HMCN1: variants seen among roughly 807,000 people sequenced by gnomAD.
HMCN1 encodes hemicentin-1.
In HMCN1, 321 loss-of-function variants were observed where a neutral mutation model predicts 625.9. The observed-to-expected ratio is 0.51, with a 90% CI of 0.47 to 0.56. HMCN1 has a LOEUF of 0.56. HMCN1 is among the 20% of genes least tolerant of loss of function. HMCN1 has a pLI of 0.00. For missense variants in HMCN1, 6,588 were observed against 6,887.3 expected (o/e 0.96, Z 1.54); for synonymous variants, 2,425 against 2,417.6 (o/e 1.00, Z -0.09).
intron 29 of HMCN1, among the ~76,000 whole-genome samples, chr1:186,005,253 A>G (rs1207194490): frequency 5.8e-5 from 8 of 139,034 alleles, no homozygotes; most frequent in African/African-American, 2.2e-4. Flanking sequence ...ACGTTTATAA[A>G]CAAATTTTTA....
chr1:185,977,731 T>A, intron 15 of HMCN1, 56 bp from the exon 16 acceptor site: 2 of 1,050,548 alleles, frequency 1.9e-6, no homozygotes, highest in Non-Finnish European at 3.0e-6. Flanking sequence ...AAGTTTATGT[T>A]TAATATGCCT....
intron 10 of HMCN1, among the ~76,000 whole-genome samples, chr1:185,929,397 C>G (rs1667435505): frequency 6.6e-6 from 1 of 151,910 alleles, no homozygotes; most frequent in Non-Finnish European, 1.5e-5. Context: ...ATAATTTTTC[C>G]TCACATAATT....
At chr1:186,072,428 A>G (rs1339397463) in intron 52 of HMCN1, among the ~76,000 whole-genome samples, 1 of 152,200 alleles carries the variant, frequency 6.6e-6, no homozygotes, top group South Asian at 2.1e-4. Flanking sequence ...TTGAACATCT[A>G]CTATTTGTCA....
At chr1:186,038,773 G>A in intron 37 of HMCN1, 56 bp from the exon 38 acceptor site, 1 of 958,446 alleles carries the variant, frequency 1.0e-6, no homozygotes, top group East Asian at 2.4e-5. Flanking sequence ...ATCCAACTTA[G>A]TATATTTAAT....
chr1:186,170,196 CAATAAGATGCTGGAGAGGAGG>C (rs1178176153), intron 100 of HMCN1, among the ~76,000 whole-genome samples: 2 of 151,530 alleles, frequency 1.3e-5, no homozygotes, highest in Non-Finnish European at 3.0e-5. Context: ...GGTGGAGAAA[CAATAAGATGCTGGAGAGGAGG>C]TGGAGTGTTT....
Position 185,911,654 on chromosome 1 carries a change from C to G in HMCN1, c.794-20C>G, listed in dbSNP as rs1200674447. 7.2e-6 allele frequency: 11 copies of G among 1,526,396 alleles called. No individual in the cohort carries two copies. In the African/African-American group the frequency reaches 1.1e-4, roughly 15 times the overall value. The allele number at this position is 1,526,396 out of a possible 1,614,324, so 94.6% of individuals were successfully genotyped here. Reference sequence around the variant, plus strand: ...CTGAGAGAAGGATTGTGCTTGTTACCTTTATGTTCTGTCTTTCAGGGAAGC... The same window carrying G: ...CTGAGAGAAGGATTGTGCTTGTTACGTTTATGTTCTGTCTTTCAGGGAAGC... On this transcript the variant is annotated intron_variant, in intron 5 of 106. Coordinates refer to ENST00000271588, the MANE Select transcript of HMCN1 (RefSeq NM_031935.3).
intron 1 of HMCN1, among the ~76,000 whole-genome samples, chr1:185,781,458 C>A (rs1023631145): frequency 1.3e-5 from 2 of 152,192 alleles, no homozygotes; most frequent in African/African-American, 4.8e-5. Context: ...AATTTTAGAT[C>A]TTTCCTGCTT....
intron 2 of HMCN1, among the ~76,000 whole-genome samples, chr1:185,856,319 T>C (rs1662459839): frequency 6.6e-6 from 1 of 151,860 alleles, no homozygotes; most frequent in Non-Finnish European, 1.5e-5. Context: ...TGAAACGCTG[T>C]CTCTACTAAA....
chr1:186,171,448 T>G lies in HMCN1; in HGVS notation c.15686T>G (p.Met5229Arg). The part of the protein sequence containing the change: ...PGYQLKGRKC[M>R]DVNECRQNVC... ...TATCAGCTCAAAGGCAGAAAATGCA[T>G]GGGTAAGAAAAGGGCTTTGAATTTA... The change falls in exon 101 of 107, where the codon ATG (methionine) becomes AGG (arginine). Residue 5229 changes from methionine to arginine, a missense_variant and splice_region_variant. Physicochemically the swap from Met to Arg is moderately conservative, Grantham distance 91. Around this residue, in one of 3 missense-constraint regions of HMCN1, gnomAD observed 1,954 missense variants for 2,013.1 expected, o/e 0.97. Transcript: ENST00000271588. The G allele has an allele frequency of 6.2e-7, 1 of 1,607,246 alleles. No homozygotes were observed. Among genetic ancestry groups the G allele is most frequent in the African/African-American group, 1.3e-5 (1 of 74,870 alleles).
rs762581029 is a variant in HMCN1, at chr1:186,061,943, A to C, written c.7405A>C (p.Ile2469Leu). ...GAATGCAGCTGGTGAAGAAAGAAAA[A>C]TCTTTGGGCTTTCAGTATTAGGTAC... Reference protein sequence around the residue: ...VRNAAGEERKIFGLSVLVPPH... With the variant: ...VRNAAGEERKLFGLSVLVPPH... Residue 2469 changes from isoleucine to leucine, a missense_variant, in exon 47 of 107, where the codon ATC becomes CTC. Physicochemically the swap from Ile to Leu is conservative, Grantham distance 5. This residue lies in a region of HMCN1 where 4,628 missense variants were observed against 4,853.1 expected (regional missense o/e 0.95). Coordinates refer to ENST00000271588, the MANE Select transcript of HMCN1 (RefSeq NM_031935.3). 6.2e-7 allele frequency: 1 copy of C among 1,609,988 alleles called. No individual in the cohort carries two copies. The highest frequency in any genetic ancestry group is 8.5e-7 in the Non-Finnish European group (1 of 1,176,614).
At chr1:186,098,343 C>CA (rs1341086697) in intron 68 of HMCN1, among the ~76,000 whole-genome samples, 1 of 151,576 alleles carries the variant, frequency 6.6e-6, no homozygotes, top group African/African-American at 2.4e-5. Flanking sequence ...AACTTAATAG[C>CA]AAAAAAACAA....
At chr1:185,876,755 C>T (rs1663961302) in intron 4 of HMCN1, among the ~76,000 whole-genome samples, 1 of 151,594 alleles carries the variant, frequency 6.6e-6, no homozygotes, top group Non-Finnish European at 1.5e-5. Context: ...TTTAATGTGC[C>T]CACTTTTTTT....
intron 68 of HMCN1, among the ~76,000 whole-genome samples, chr1:186,101,519 G>A (rs1660382222): frequency 6.6e-6 from 1 of 152,104 alleles, no homozygotes; most frequent in African/African-American, 2.4e-5. Context: ...AGAGAGTCTA[G>A]GCTGGAAATA....
At chr1:186,093,906 T>C (rs1659984628) in intron 66 of HMCN1, among the ~76,000 whole-genome samples, 1 of 152,038 alleles carries the variant, frequency 6.6e-6, no homozygotes, top group South Asian at 2.1e-4. Context: ...TATAGACAGG[T>C]TTGTTATCAT....
At position 186,023,147 on chromosome 1, in the gene HMCN1, G is replaced by A. The variant is rs761221635; in HGVS notation, c.5743G>A (p.Val1915Ile). The A allele has an allele frequency of 6.2e-7, 1 of 1,612,770 alleles. No individual in the cohort carries two copies. Among genetic ancestry groups the A allele is most frequent in the Admixed American group, 1.7e-5 (1 of 59,968 alleles). Residue 1915 changes from valine to isoleucine, a missense_variant, in exon 36 of 107, where the codon GTT becomes ATT. Transcript: ENST00000271588. ...AACACAACAGCACATTCAACTGCAT[G>A]TTCATGGTAATGTAATTTCTACACC... is the stretch of plus-strand genomic sequence containing the variant. ...GETQQHIQLH[V>I]HEPPSLEDAG...
At position 186,019,699 on chromosome 1, in the gene HMCN1, A is replaced by T; in HGVS notation, c.5625+4A>T. ...CACTGCCCAAGGAAACCTTAAAGTA[A>T]GTGTAAATATTACTCAGCCTAAACT... On this transcript the variant is annotated splice_donor_region_variant and intron_variant, in intron 35 of 106. Transcript: ENST00000271588. The T allele has an allele frequency of 6.2e-7, 1 of 1,609,774 alleles. No homozygotes were observed. The highest frequency in any genetic ancestry group is 8.5e-7 in the Non-Finnish European group (1 of 1,176,544).
intron 97 of HMCN1, among the ~76,000 whole-genome samples, chr1:186,161,629 C>G (rs1268576944): frequency 6.6e-5 from 10 of 152,040 alleles, no homozygotes; most frequent in Non-Finnish European, 1.2e-4. Flanking sequence ...GTGACAAAAT[C>G]TCTCAGCATT....
In HMCN1 at chr1:186,076,577, G is replaced by C; in HGVS notation, c.8440G>C (p.Asp2814His). Residue 2814 changes from aspartate to histidine, a missense_variant, in exon 54 of 107, where the codon GAT becomes CAT. By Grantham distance (81) the Asp-to-His change is moderately conservative. Transcript: ENST00000271588. The part of the protein sequence containing the change: ...APPPTLTWYK[D>H]GHPLTSSDKV... ...CCCTCCTACACTGACATGGTACAAA[G>C]ATGGCCACCCTCTGACCTCAAGTGA... is the stretch of plus-strand genomic sequence containing the variant. 1 of 1,613,816 alleles carries C rather than the reference G, an allele frequency of 6.2e-7. No homozygotes were observed. The highest frequency in any genetic ancestry group is 8.5e-7 in the Non-Finnish European group (1 of 1,179,820).
intron 1 of HMCN1, among the ~76,000 whole-genome samples, chr1:185,769,373 A>C (rs1467694125): frequency 6.6e-6 from 1 of 152,116 alleles, no homozygotes; most frequent in East Asian, 1.9e-4. Context: ...GCTTAAGCCC[A>C]GGAGGTCAAG....
Sources: gnomAD v4.1 joint callset for allele counts (sites outside exome capture counted in the v4.1 genomes callset) on GRCh38, gnomAD v4.1.1 for gene constraint, gnomAD v4.1.1 regional missense constraint, MANE v1.5 for transcripts, NCBI Gene and HGNC (gene_info 2026-07-23, HGNC 2026-07-21) for gene names.